Variants in ZNF618 observed in about 807,000 individuals in gnomAD.
The protein encoded by ZNF618 is zinc finger protein 618.
In ZNF618, 34 loss-of-function variants were observed where a neutral mutation model predicts 103.0. The observed-to-expected ratio is 0.33, with a 90% CI of 0.25 to 0.44. The LOEUF is 0.44. Ranked by LOEUF, ZNF618 falls within the 20% of genes least tolerant of loss-of-function variation. The pLI is 1.00. For missense variants in ZNF618, 1,059 were observed against 1,295.4 expected, an observed-to-expected ratio of 0.82 and a Z score of 2.80; for synonymous variants, 551 against 542.2, an observed-to-expected ratio of 1.02 and a Z score of -0.23.
intron 1 of ZNF618, among the ~76,000 whole-genome samples, chr9:113,928,748 A>G (rs2131802615): frequency 6.6e-6 from 1 of 152,138 alleles, no homozygotes; most frequent in East Asian, 1.9e-4. Flanking sequence ...CTCTTATTAT[A>G]TTGGAGTCTT....
At chr9:113,967,475 G>T (rs1354162708) in intron 1 of ZNF618, among the ~76,000 whole-genome samples, 1 of 152,116 alleles carries the variant, frequency 6.6e-6, no homozygotes, top group Admixed American at 6.5e-5. Flanking sequence ...TTTCCCTTGT[G>T]TGGGAAACAG....
chr9:114,004,275 A>G (rs1841527203), intron 6 of ZNF618, among the ~76,000 whole-genome samples: 1 of 152,166 alleles, frequency 6.6e-6, no homozygotes, highest in Non-Finnish European at 1.5e-5. Context: ...GACACCTGCC[A>G]CAGGACCCCA....
At chr9:113,955,136 A>C (rs1356052502) in intron 1 of ZNF618, among the ~76,000 whole-genome samples, 1 of 140,044 alleles carries the variant, frequency 7.1e-6, no homozygotes, top group Admixed American at 7.8e-5. Context: ...AAGGGCCTAG[A>C]GTGACTTCTC....
intron 1 of ZNF618, among the ~76,000 whole-genome samples, chr9:113,906,260 A>C (rs548680865): frequency 6.6e-6 from 1 of 152,212 alleles, no homozygotes; most frequent in Admixed American, 6.5e-5. Flanking sequence ...TTCTCTTAGC[A>C]GGGGTTGTGG....
In ZNF618 at chr9:113,977,310, G is replaced by A. The variant is rs140340615; in HGVS notation, c.77+8150G>A. Among the ~76,000 whole-genome samples, 225 of 152,322 alleles carry A rather than the reference G, an allele frequency of 1.5e-3. 2 individuals carry two copies. The highest frequency in any genetic ancestry group is 4.9e-3 in the African/African-American group (204 of 41,570). ...ATCCTTTCATTCCTAGGAGAAGATG[G>A]CCAGAGGAGTTGGACCTTGGAGAAT... On this transcript the variant is annotated intron_variant, in intron 2 of 14. Coordinates refer to ENST00000374126, the MANE Select transcript of ZNF618 (RefSeq NM_001318042.2).
At chr9:113,981,518 T>C (rs1001634727) in intron 2 of ZNF618, among the ~76,000 whole-genome samples, 1 of 152,212 alleles carries the variant, frequency 6.6e-6, no homozygotes, top group Non-Finnish European at 1.5e-5. Context: ...TGCTGAGCAT[T>C]GCTCACGTCT....
At chr9:113,959,852 A>C (rs1044104638) in intron 1 of ZNF618, among the ~76,000 whole-genome samples, 1 of 151,884 alleles carries the variant, frequency 6.6e-6, no homozygotes, top group Non-Finnish European at 1.5e-5. Context: ...CAGGTGATCC[A>C]CCCGCCTCGG....
At chr9:114,017,468 A>C (rs1842739758) in intron 10 of ZNF618, among the ~76,000 whole-genome samples, 1 of 152,120 alleles carries the variant, frequency 6.6e-6, no homozygotes, top group Admixed American at 6.5e-5. Context: ...CTGATTTCCC[A>C]GCTCCTTTTC....
At chr9:114,000,512 C>CGTTAAT (rs1841086071) in intron 4 of ZNF618, among the ~76,000 whole-genome samples, 1 of 151,248 alleles carries the variant, frequency 6.6e-6, no homozygotes, top group Non-Finnish European at 1.5e-5. Flanking sequence ...CATTAGCCAT[C>CGTTAAT]GTTAGTGTAT....
chr9:113,941,648 G>C (rs1834558166), intron 1 of ZNF618, among the ~76,000 whole-genome samples: 1 of 152,290 alleles, frequency 6.6e-6, no homozygotes, highest in South Asian at 2.1e-4. Flanking sequence ...TGATCTTGCA[G>C]ATGAGAAGTC....
chr9:113,997,915 A>G (rs962803106), intron 3 of ZNF618, among the ~76,000 whole-genome samples: 1 of 152,186 alleles, frequency 6.6e-6, no homozygotes, highest in Admixed American at 6.5e-5. Flanking sequence ...GGCCAGGGGG[A>G]TGCATGGACA....
In ZNF618 at chr9:114,054,188, C is replaced by T. The variant is rs1341266606; in HGVS notation, c.*4021C>T. 1 of 152,584 alleles carries T rather than the reference C, an allele frequency of 6.6e-6. No homozygotes were observed. The highest frequency in any genetic ancestry group is 1.5e-5 in the Non-Finnish European group (1 of 68,060). 9.5% of individuals were successfully genotyped at this position (152,584 alleles called of 1,614,324 possible). ...AGTCCCCTATATTTGAGCAAGGCCA[C>T]CTGCTTCCCCTGGACTTGAGCTGGA... On this transcript the variant is annotated 3_prime_UTR_variant, in exon 15 of 15. Coordinates refer to ENST00000374126, the MANE Select transcript of ZNF618 (RefSeq NM_001318042.2).
Position 113,951,391 on chromosome 9 carries a change from C to T in ZNF618, c.34-17726C>T, listed in dbSNP as rs536077194. On this transcript the variant is annotated intron_variant, in intron 1 of 14. Transcript: ENST00000374126. ...CCAGGATGGCTTGGAGCACTTTTTC[C>T]TATATATATACGTATATATACACAC... is the stretch of plus-strand genomic sequence containing the variant. Among the ~76,000 whole-genome samples the T allele has an allele frequency of 1.9e-3, 109 of 58,240 alleles. 1 individual carries two copies. The highest frequency in any genetic ancestry group is 3.6e-3 in the Non-Finnish European group (93 of 25,722). The allele number at this position is 58,240 out of a possible 152,430, so 38.2% of individuals were successfully genotyped here. A position where few individuals can be genotyped will look rare whatever the true frequency, so the allele number is the denominator to read the frequency against.
intron 1 of ZNF618, among the ~76,000 whole-genome samples, chr9:113,964,377 A>G (rs1416139884): frequency 6.6e-6 from 1 of 152,174 alleles, no homozygotes; most frequent in Admixed American, 6.5e-5. Context: ...GCGCCCCAGC[A>G]TTCTTTCCGC....
intron 2 of ZNF618, among the ~76,000 whole-genome samples, chr9:113,977,560 G>A (rs1186716058): frequency 1.3e-5 from 2 of 152,138 alleles, no homozygotes; most frequent in Non-Finnish European, 2.9e-5. Context: ...CCCCTCATTG[G>A]CCTCTACTCC....
At chr9:113,963,596 C>G (rs1409436251) in intron 1 of ZNF618, among the ~76,000 whole-genome samples, 1 of 152,112 alleles carries the variant, frequency 6.6e-6, no homozygotes, top group Admixed American at 6.5e-5. Context: ...AGAGTACTTG[C>G]CACATAGTAG....
chr9:113,884,774 CAGAGAGAGAG>C (rs3034065), intron 1 of ZNF618, among the ~76,000 whole-genome samples: 2,808 of 142,252 alleles, frequency 0.02, 102 homozygotes, highest in African/African-American at 0.069. Flanking sequence ...CACAAACACA[CAGAGAGAGAG>C]AGAGAGAGAG....
chr9:113,967,332 C>T (rs1588177269), intron 1 of ZNF618, among the ~76,000 whole-genome samples: 2 of 152,334 alleles, frequency 1.3e-5, no homozygotes, highest in South Asian at 4.1e-4. Flanking sequence ...TGTTCTTTTG[C>T]TCCCAGTGAA....
Position 114,016,769 on chromosome 9 carries a change from T to C in ZNF618, c.829T>C (p.Leu277=). ...YYTPYQEHVA[L]HAPISTAPGW... is the part of the protein sequence containing the mutation. ...CACTCCCTACCAGGAGCATGTGGCC[T>C]TACACGCCCCCATCAGTGAGTACCT... Residue 277 remains leucine (L), a synonymous_variant, in exon 10 of 15, where the codon TTA becomes CTA. Transcript: ENST00000374126. 6.2e-7 allele frequency: 1 copy of C among 1,613,216 alleles called. No homozygotes were observed. The highest frequency in any genetic ancestry group is 8.5e-7 in the Non-Finnish European group (1 of 1,179,530).
Sources: allele counts gnomAD v4.1 joint callset (sites outside exome capture counted in the v4.1 genomes callset), GRCh38; gene constraint gnomAD v4.1.1; transcripts MANE v1.5; gene names NCBI Gene and HGNC (gene_info 2026-07-23, HGNC 2026-07-21).